Variants in DTNBP1 observed in about 807,000 individuals in gnomAD.
The protein encoded by DTNBP1 is dystrobrevin binding protein 1, also known as dysbindin.
In DTNBP1, 35 loss-of-function variants were observed where a neutral mutation model predicts 42.8. The observed-to-expected ratio is 0.82, with a 90% CI of 0.63 to 1.09. DTNBP1 has a LOEUF of 1.09. DTNBP1 is among the 50% of genes least tolerant of loss of function. The pLI, the probability that DTNBP1 is intolerant of heterozygous loss-of-function variation, is 0.00. For missense variants in DTNBP1, 457 were observed against 424.2 expected, an observed-to-expected ratio of 1.08 and a Z score of -0.68; for synonymous variants, 171 against 162.2, an observed-to-expected ratio of 1.05 and a Z score of -0.41.
chr6:15,552,074 A>C (rs1774243837), intron 7 of DTNBP1, among the ~76,000 whole-genome samples: 1 of 152,214 alleles, frequency 6.6e-6, no homozygotes, highest in South Asian at 2.1e-4. Flanking sequence ...AGTGGCTACA[A>C]GGGGCTCTCA....
intron 8 of DTNBP1, among the ~76,000 whole-genome samples, chr6:15,527,063 CAA>C (rs1041168934): frequency 2.0e-5 from 3 of 151,900 alleles, no homozygotes; most frequent in African/African-American, 4.8e-5. Context: ...AATGAGGAAA[CAA>C]ATAATTAAGA....
chr6:15,524,648 G>T lies in DTNBP1; in HGVS notation c.689C>A (p.Ser230Tyr), dbSNP rs1227131916. The T allele has an allele frequency of 6.2e-7, 1 of 1,613,584 alleles. No individual in the cohort carries two copies. Among genetic ancestry groups the T allele is most frequent in the Non-Finnish European group, 8.5e-7 (1 of 1,180,030 alleles). ...ERREPIGSMS[S>Y]MEVNVDMLEQ... ...CAGCATGTCCACGTTCACTTCCATG[G>T]ATGACATGCTGCCTATGGGCTCTGC... Residue 230 changes from serine to tyrosine, a missense_variant, in exon 9 of 10, where the codon TCC (serine) becomes TAC (tyrosine). By Grantham distance (144) the Ser-to-Tyr change is moderately radical (BLOSUM62 -2). Transcript: ENST00000344537.
At chr6:15,653,157 A>C (rs377261022) in intron 1 of DTNBP1, among the ~76,000 whole-genome samples, 1 of 152,228 alleles carries the variant, frequency 6.6e-6, no homozygotes, top group Non-Finnish European at 1.5e-5. Context: ...GTTGAGAAAA[A>C]GCTTTTTAAA....
intron 7 of DTNBP1, among the ~76,000 whole-genome samples, chr6:15,577,232 G>C (rs1472501465): frequency 1.3e-5 from 2 of 152,212 alleles, no homozygotes; most frequent in African/African-American, 4.8e-5. Flanking sequence ...GCCAGAGAGG[G>C]AGCAAAGGGC....
chr6:15,523,607 C>T (rs1354083680), intron 9 of DTNBP1: 1 of 1,286,690 alleles, frequency 7.8e-7, no homozygotes, highest in Non-Finnish European at 1.0e-6. Flanking sequence ...GACACCACTG[C>T]TGAGAAAGTC....
At chr6:15,523,432 C>T in intron 9 of DTNBP1, 3 of 1,269,288 alleles carry the variant, frequency 2.4e-6, no homozygotes, top group Non-Finnish European at 3.1e-6. Flanking sequence ...CCTTCTGTCC[C>T]CTAAGGAGTC....
intron 7 of DTNBP1, among the ~76,000 whole-genome samples, chr6:15,564,889 C>T (rs1308238096): frequency 2.0e-5 from 3 of 152,118 alleles, no homozygotes; most frequent in African/African-American, 4.8e-5. Flanking sequence ...CCATGATGGG[C>T]GGCTCTCTTG....
intron 7 of DTNBP1, among the ~76,000 whole-genome samples, chr6:15,562,616 A>G (rs1431378709): frequency 6.6e-6 from 1 of 152,244 alleles, no homozygotes; most frequent in Non-Finnish European, 1.5e-5. Flanking sequence ...TATTAAGACT[A>G]TCTTTTTCTG....
chr6:15,616,903 C>G (rs1334802255), intron 5 of DTNBP1, among the ~76,000 whole-genome samples: 2 of 152,094 alleles, frequency 1.3e-5, no homozygotes, highest in Non-Finnish European at 2.9e-5. Flanking sequence ...ACTTTCAGAA[C>G]TTGATAAATA....
At chr6:15,624,107 C>T (rs1362045131) in intron 5 of DTNBP1, among the ~76,000 whole-genome samples, 1 of 152,192 alleles carries the variant, frequency 6.6e-6, no homozygotes, top group Non-Finnish European at 1.5e-5. Flanking sequence ...TGGCAGATGC[C>T]CAGCATGTAC....
At chr6:15,535,568 C>T (rs1330634138) in intron 7 of DTNBP1, among the ~76,000 whole-genome samples, 4 of 152,138 alleles carry the variant, frequency 2.6e-5, no homozygotes, top group African/African-American at 4.8e-5. Flanking sequence ...CTGCCTGCCT[C>T]GGCCTCCCAA....
chr6:15,547,788 G>C (rs1773969278), intron 7 of DTNBP1, among the ~76,000 whole-genome samples: 1 of 152,196 alleles, frequency 6.6e-6, no homozygotes, highest in Non-Finnish European at 1.5e-5. Context: ...CCTGTGACCA[G>C]ATCTGTGCTT....
At chr6:15,594,109 T>C (rs985479337) in intron 6 of DTNBP1, among the ~76,000 whole-genome samples, 14 of 152,194 alleles carry the variant, frequency 9.2e-5, no homozygotes, top group African/African-American at 1.4e-4. Context: ...TATCTACTTA[T>C]AATAATTATC....
At chr6:15,553,594 CTTTT>C (rs56173414) in intron 7 of DTNBP1, among the ~76,000 whole-genome samples, 2 of 72,952 alleles carry the variant, frequency 2.7e-5, no homozygotes, top group East Asian at 1.3e-3. Context: ...GACAAGTGAG[CTTTT>C]TTTTTTTTGG....
At chr6:15,596,845 G>A (rs955247665) in intron 6 of DTNBP1, among the ~76,000 whole-genome samples, 1 of 152,090 alleles carries the variant, frequency 6.6e-6, no homozygotes, top group South Asian at 2.1e-4. Flanking sequence ...TTCTCCAGTC[G>A]ACGTCATCTC....
intron 6 of DTNBP1, among the ~76,000 whole-genome samples, chr6:15,606,478 G>A (rs1352741777): frequency 1.3e-5 from 2 of 152,116 alleles, no homozygotes; most frequent in Admixed American, 1.3e-4. Flanking sequence ...CCCCTAAATA[G>A]TCTGATGACT....
chr6:15,565,397 C>A (rs1329288621), intron 7 of DTNBP1, among the ~76,000 whole-genome samples: 23 of 152,234 alleles, frequency 1.5e-4, no homozygotes, highest in Admixed American at 1.4e-3. Flanking sequence ...TACAGTAGTA[C>A]TTTTTTAAAT....
At chr6:15,584,971 A>G (rs1446872766) in intron 7 of DTNBP1, among the ~76,000 whole-genome samples, 1 of 147,462 alleles carries the variant, frequency 6.8e-6, no homozygotes, top group Non-Finnish European at 1.5e-5. Context: ...GTATTTATAT[A>G]TATATATAAA....
In DTNBP1 at chr6:15,611,377, C is replaced by T. The variant is rs191942680; in HGVS notation, c.488+3890G>A. ...CAAATAATATTGCTCCTTGACAATGCACCTGGTCACCCAAGAGCTCTCATG... is the reference window on the plus strand; with the variant it reads ...CAAATAATATTGCTCCTTGACAATGTACCTGGTCACCCAAGAGCTCTCATG... On this transcript the variant is annotated intron_variant, in intron 6 of 9. Coordinates refer to ENST00000344537, the MANE Select transcript of DTNBP1 (RefSeq NM_032122.5). 2.6e-3 allele frequency among the ~76,000 whole-genome samples: 399 copies of T among 152,256 alleles called. 1 individual carries two copies. The highest frequency in any genetic ancestry group is 9.1e-3 in the African/African-American group (378 of 41,534).
Sources: allele counts gnomAD v4.1 joint callset (sites outside exome capture counted in the v4.1 genomes callset), GRCh38; gene constraint gnomAD v4.1.1; transcripts MANE v1.5; gene names NCBI Gene and HGNC (gene_info 2026-07-23, HGNC 2026-07-21).